The following GRIN2D variants were observed in gnomAD, a reference collection of about 807,000 sequenced individuals.
GRIN2D encodes glutamate receptor ionotropic, NMDA 2D.
GRIN2D carries 37 observed loss-of-function variants against 103.2 expected under a neutral mutation model. That is an observed-to-expected ratio of 0.36 (90% CI 0.28 to 0.47). The LOEUF is 0.47. Ranked by LOEUF, GRIN2D falls within the 20% of genes least tolerant of loss-of-function variation. The pLI is 1.00. For missense variants in GRIN2D, 1,557 were observed against 1,910.6 expected (o/e 0.81, Z 3.45); for synonymous variants, 845 against 885.6 (o/e 0.95, Z 0.81).
At chr19:48,399,428 C>A (rs1435039263) in intron 3 of GRIN2D, among the ~76,000 whole-genome samples, 2 of 152,096 alleles carry the variant, frequency 1.3e-5, no homozygotes, top group Non-Finnish European at 2.9e-5. Flanking sequence ...ATTAGCCGGG[C>A]GTTGTGGCGG....
At chr19:48,426,753 T>A (rs903649538) in intron 11 of GRIN2D, among the ~76,000 whole-genome samples, 3 of 151,538 alleles carry the variant, frequency 2.0e-5, no homozygotes, top group Non-Finnish European at 2.9e-5. Context: ...CCCGGCTAAT[T>A]TTTGTATTTT....
At chr19:48,403,124 A>G (rs950148205) in intron 3 of GRIN2D, among the ~76,000 whole-genome samples, 13 of 148,592 alleles carry the variant, frequency 8.7e-5, no homozygotes. Context: ...GCTTGAACCC[A>G]GGAGGCAGAG....
Position 48,443,855 on chromosome 19 carries a change from C to G in GRIN2D, c.3929C>G (p.Ala1310Gly), listed in dbSNP as rs753854352. The G allele has an allele frequency of 6.3e-5, 94 of 1,485,550 alleles. No individual in the cohort carries two copies. Among genetic ancestry groups the G allele is most frequent in the Non-Finnish European group, 7.7e-5 (87 of 1,126,038 alleles). The allele number at this position is 1,485,550 out of a possible 1,614,324, so 92.0% of individuals were successfully genotyped here. Reference sequence around the variant, plus strand: ...CACTGGGGGCCGCCGCTGCCCACAGCTTCCCACCGGAGACACCGGGGCGGG... The same window carrying G: ...CACTGGGGGCCGCCGCTGCCCACAGGTTCCCACCGGAGACACCGGGGCGGG... Reference protein sequence around the residue: ...AAHWGPPLPTASHRRHRGGDL... With the variant: ...AAHWGPPLPTGSHRRHRGGDL... Residue 1310 changes from alanine to glycine, a missense_variant, in exon 14 of 14, where the codon GCT becomes GGT. Ala to Gly is a moderately conservative substitution (Grantham distance 60, BLOSUM62 0). This residue lies in a region of GRIN2D where 88 missense variants were observed against 84.3 expected (regional missense o/e 1.04). Transcript: ENST00000263269. This position sits in a 1 kb window ranked among gnomAD's most constrained non-coding sequence, Gnocchi z 8.9.
At chr19:48,406,712 A>C (rs976890885) in intron 4 of GRIN2D, among the ~76,000 whole-genome samples, 1 of 152,220 alleles carries the variant, frequency 6.6e-6, no homozygotes, top group Non-Finnish European at 1.5e-5. Context: ...AGACAGGGAC[A>C]GGGATAATGG....
In GRIN2D at chr19:48,444,186, A is replaced by C; in HGVS notation, c.*249A>C. 2.7e-6 allele frequency: 1 copy of C among 366,270 alleles called. No individual in the cohort carries two copies. Among genetic ancestry groups the C allele is most frequent in the Non-Finnish European group, 4.9e-6 (1 of 204,206 alleles). 22.7% of individuals were successfully genotyped at this position (366,270 alleles called of 1,614,324 possible). On this transcript the variant is annotated 3_prime_UTR_variant, in exon 14 of 14. Transcript: ENST00000263269. This position sits in a 1 kb window ranked among gnomAD's most constrained non-coding sequence, Gnocchi z 5.5. ...TTGGAGCCCACCGGACTTTTTTTTA[A>C]ACCCGACAAGGGCTTTTTAACGTCA...
Position 48,423,793 on chromosome 19 carries a change from C to T in GRIN2D, c.2252+1848C>T, listed in dbSNP as rs200155321. On this transcript the variant is annotated intron_variant, in intron 11 of 13. Coordinates refer to ENST00000263269, the MANE Select transcript of GRIN2D (RefSeq NM_000836.4). Reference sequence around the variant, plus strand: ...GAAGCCTTGAGGTGTGGAGATTTTACGTAAGGAAGGGTATGATCTGATTTC... The same window carrying T: ...GAAGCCTTGAGGTGTGGAGATTTTATGTAAGGAAGGGTATGATCTGATTTC... 2.6e-5 allele frequency among the ~76,000 whole-genome samples: 4 copies of T among 152,054 alleles called. No individual in the cohort carries two copies. The East Asian group carries it at 5.8e-4, about 22-fold the overall frequency.
In GRIN2D at chr19:48,398,531, G is replaced by T. The variant is rs1053872417; in HGVS notation, c.139G>T (p.Gly47Trp). 14 of 1,070,726 alleles carry T rather than the reference G, an allele frequency of 1.3e-5. No individual in the cohort carries two copies. In the Admixed American group the frequency reaches 6.0e-4, roughly 46 times the overall value. The allele number at this position is 1,070,726 out of a possible 1,614,324, so 66.3% of individuals were successfully genotyped here. ...CGGTGGGCCCGGCGGCGGCCTCGGCGGGGCGCGGCCGCTCAACGTGGCGCT... is the reference window on the plus strand; with the variant it reads ...CGGTGGGCCCGGCGGCGGCCTCGGCTGGGCGCGGCCGCTCAACGTGGCGCT... ...GAGGPGGGLG[G>W]ARPLNVALVF... The change falls in exon 3 of 14, where the codon GGG (glycine) becomes TGG (tryptophan). Residue 47 changes from glycine (G) to tryptophan (W), a missense_variant. By Grantham distance (184) the Gly-to-Trp change is radical. Transcript: ENST00000263269.
At position 48,437,864 on chromosome 19, in the gene GRIN2D, A is replaced by AT. The variant is rs542903840; in HGVS notation, c.2253-3903dup. 1.1e-3 allele frequency among the ~76,000 whole-genome samples: 162 copies of AT among 152,318 alleles called. 1 individual carries two copies. The highest frequency in any genetic ancestry group is 3.4e-3 in the African/African-American group (140 of 41,564). Reference sequence around the variant, plus strand: ...TGGTATTTTTCTCGCCTATACTTATATTCCAGATGTCATATGGGAACTCCC... The same window carrying AT: ...TGGTATTTTTCTCGCCTATACTTATATTTCCAGATGTCATATGGGAACTCCC... On this transcript the variant is annotated intron_variant, in intron 11 of 13. Coordinates refer to ENST00000263269, the MANE Select transcript of GRIN2D (RefSeq NM_000836.4).
At chr19:48,431,209 C>T (rs1971151587) in intron 11 of GRIN2D, among the ~76,000 whole-genome samples, 1 of 151,916 alleles carries the variant, frequency 6.6e-6, no homozygotes, top group Non-Finnish European at 1.5e-5. Context: ...TCACCTTTCA[C>T]CTTCATCCCT....
intron 11 of GRIN2D, among the ~76,000 whole-genome samples, chr19:48,430,905 T>C (rs1390762881): frequency 6.6e-6 from 1 of 151,102 alleles, no homozygotes; most frequent in African/African-American, 2.4e-5. Flanking sequence ...CTGCAGCCTC[T>C]GCCTCCTGGG....
chr19:48,415,938 G>A, intron 7 of GRIN2D, 64 bp from the exon 8 acceptor site: 1 of 1,472,136 alleles, frequency 6.8e-7, no homozygotes, highest in South Asian at 1.1e-5. Flanking sequence ...TCTGCTCGCC[G>A]TCCGTGTCAG....
chr19:48,401,080 T>G (rs1389595198), intron 3 of GRIN2D, among the ~76,000 whole-genome samples: 2 of 92,532 alleles, frequency 2.2e-5, no homozygotes, highest in Non-Finnish European at 4.0e-5. Flanking sequence ...GAGACTGTTC[T>G]CAAAAAAAAA....
intron 11 of GRIN2D, among the ~76,000 whole-genome samples, chr19:48,425,925 GC>G (rs1234136502): frequency 1.4e-4 from 21 of 152,148 alleles, no homozygotes; most frequent in African/African-American, 5.1e-4. Context: ...TTCTCATAAA[GC>G]TTCCCCTGCC....
At chr19:48,441,695 TGAG>T (rs1201518696) in intron 11 of GRIN2D, 71 bp from the exon 12 acceptor site, 3 of 1,236,382 alleles carry the variant, frequency 2.4e-6, no homozygotes, top group Non-Finnish European at 3.4e-6. Context: ...AGGTTACAGG[TGAG>T]GAGGTTCCAG....
intron 4 of GRIN2D, among the ~76,000 whole-genome samples, chr19:48,406,933 G>T (rs1020719539): frequency 6.6e-6 from 1 of 152,008 alleles, no homozygotes; most frequent in African/African-American, 2.4e-5. Flanking sequence ...TACTCTTTCA[G>T]CTCTTTCTGG....
chr19:48,426,930 G>A (rs1043055222), intron 11 of GRIN2D, among the ~76,000 whole-genome samples: 2 of 152,044 alleles, frequency 1.3e-5, no homozygotes, highest in Non-Finnish European at 2.9e-5. Context: ...AAGTGTTTGG[G>A]GGACATACAC....
intron 3 of GRIN2D, among the ~76,000 whole-genome samples, chr19:48,401,298 A>G (rs950474367): frequency 6.6e-6 from 1 of 152,082 alleles, no homozygotes; most frequent in South Asian, 2.1e-4. Flanking sequence ...TCCCTGCCTT[A>G]TAGAGCTTGC....
At chr19:48,438,578 A>C (rs968158000) in intron 11 of GRIN2D, among the ~76,000 whole-genome samples, 3 of 151,234 alleles carry the variant, frequency 2.0e-5, no homozygotes, top group Non-Finnish European at 4.4e-5. Flanking sequence ...GATTACAGGC[A>C]TTAGCCACCG....
Position 48,414,434 on chromosome 19 carries a change from G to C in GRIN2D, c.1262G>C (p.Arg421Pro). ...LKYPLWSRYG[R>P]FLQPVDDTQH... is the part of the protein sequence containing the mutation. ...TACCCGCTGTGGTCCCGCTATGGTC[G>C]CTTCCTGCAGCCAGTGGACGACACG... Residue 421 changes from arginine (R) to proline (P), a missense_variant, in exon 6 of 14, where the codon CGC becomes CCC. Physicochemically the swap from Arg to Pro is moderately radical, Grantham distance 103 (BLOSUM62 -2). Around this residue, in one of 7 missense-constraint regions of GRIN2D, gnomAD observed 490 missense variants for 601.1 expected, o/e 0.82. Coordinates refer to ENST00000263269, the MANE Select transcript of GRIN2D (RefSeq NM_000836.4). This position sits in a 1 kb window ranked among gnomAD's most constrained non-coding sequence, Gnocchi z 4.6. 1.2e-6 allele frequency: 2 copies of C among 1,609,448 alleles called. No individual in the cohort carries two copies. Among genetic ancestry groups the C allele is most frequent in the Non-Finnish European group, 1.7e-6 (2 of 1,178,070 alleles).
Sources: gnomAD v4.1 joint callset for allele counts (sites outside exome capture counted in the v4.1 genomes callset) on GRCh38, gnomAD v4.1.1 for gene constraint, gnomAD v4.1.1 regional missense constraint, Gnocchi (gnomAD v3.1) non-coding constraint, MANE v1.5 for transcripts, NCBI Gene and HGNC (gene_info 2026-07-23, HGNC 2026-07-21) for gene names.